Variants in ARMH4 observed in about 807,000 individuals in gnomAD.
ARMH4 encodes armadillo-like helical domain-containing protein 4.
ARMH4 carries 49 observed loss-of-function variants against 61.9 expected under a neutral mutation model. That is an observed-to-expected ratio of 0.79 (90% CI 0.63 to 1.00). The LOEUF (loss-of-function observed/expected upper bound fraction) is 1.00. Ranked by LOEUF, ARMH4 falls within the 50% of genes least tolerant of loss-of-function variation. ARMH4 has a pLI of 0.00. For synonymous variants in ARMH4, 368 were observed against 341.5 expected (o/e 1.08, Z -0.85); for missense variants, 934 against 930.0 (o/e 1.00, Z -0.06).
intron 5 of ARMH4, among the ~76,000 whole-genome samples, chr14:58,055,472 T>A: frequency 6.6e-6 from 1 of 152,206 alleles, no homozygotes; most frequent in East Asian, 1.9e-4. Flanking sequence ...CTTACAGTCT[T>A]AAAAAGATAA....
At chr14:58,058,637 T>C (rs1731351473) in intron 5 of ARMH4, among the ~76,000 whole-genome samples, 2 of 152,172 alleles carry the variant, frequency 1.3e-5, no homozygotes, top group African/African-American at 4.8e-5. Context: ...TGCTAATGCA[T>C]TATAATTACA....
At chr14:58,004,878 A>G (rs1882104219) in intron 7 of ARMH4, 74 bp from the exon 8 acceptor site, 1 of 1,543,064 alleles carries the variant, frequency 6.5e-7, no homozygotes, top group African/African-American at 1.4e-5. Flanking sequence ...CCCACTTTAA[A>G]AGACATGCTA....
chr14:58,020,075 T>A (rs1179874033), intron 5 of ARMH4, among the ~76,000 whole-genome samples: 1 of 152,188 alleles, frequency 6.6e-6, no homozygotes, highest in Admixed American at 6.5e-5. Flanking sequence ...CTCACAAAAA[T>A]TCTGCAAGGT....
intron 5 of ARMH4, among the ~76,000 whole-genome samples, chr14:58,054,977 C>T (rs572421636): frequency 6.6e-6 from 1 of 152,106 alleles, no homozygotes; most frequent in African/African-American, 2.4e-5. Flanking sequence ...CTCATGATTT[C>T]CCACCTGTCC....
rs985972680 is a variant in ARMH4 at position 58,062,178 on chromosome 14, G to C, written c.2089+34546C>G. Reference sequence around the variant, plus strand: ...CATAGTGGCACCCAGTCTCTAGAAAGATAAAAATAAAAATTAGCCAGATGT... The same window carrying C: ...CATAGTGGCACCCAGTCTCTAGAAACATAAAAATAAAAATTAGCCAGATGT... On this transcript the variant is annotated intron_variant, in intron 5 of 7. Coordinates refer to ENST00000267485, the MANE Select transcript of ARMH4 (RefSeq NM_001001872.4). 2.0e-5 allele frequency among the ~76,000 whole-genome samples: 3 copies of C among 152,110 alleles called. No individual in the cohort carries two copies. In the South Asian group the frequency reaches 6.2e-4, roughly 32 times the overall value.
chr14:58,103,134 GA>G (rs35500903), intron 4 of ARMH4, among the ~76,000 whole-genome samples: 68,218 of 141,522 alleles, frequency 0.48, 16,360 homozygotes, highest in Middle Eastern at 0.62. Context: ...ACTCCATCTC[GA>G]AAAAAAAAAA....
intron 4 of ARMH4, among the ~76,000 whole-genome samples, chr14:58,129,112 T>A (rs901124800): frequency 5.3e-5 from 8 of 152,334 alleles, no homozygotes; most frequent in Non-Finnish European, 1.2e-4. Context: ...TCTGTTGTTT[T>A]AAGCCACCCA....
intron 4 of ARMH4, among the ~76,000 whole-genome samples, chr14:58,113,269 C>A (rs1886413068): frequency 6.6e-6 from 1 of 152,120 alleles, no homozygotes. Context: ...CAAGATCAAC[C>A]CCTATATTGC....
chr14:58,062,490 T>C (rs1884564895), intron 5 of ARMH4, among the ~76,000 whole-genome samples: 1 of 151,798 alleles, frequency 6.6e-6, no homozygotes, highest in Non-Finnish European at 1.5e-5. Flanking sequence ...TAGACGGCAA[T>C]GGAATGGAGA....
chr14:58,091,111 C>T (rs1885549593), intron 5 of ARMH4, among the ~76,000 whole-genome samples: 1 of 151,582 alleles, frequency 6.6e-6, no homozygotes, highest in South Asian at 2.1e-4. Flanking sequence ...ACTGGGGAGG[C>T]TGAGGCGGGA....
intron 5 of ARMH4, among the ~76,000 whole-genome samples, chr14:58,079,251 C>G (rs1885144875): frequency 6.6e-6 from 1 of 152,174 alleles, no homozygotes; most frequent in Non-Finnish European, 1.5e-5. Flanking sequence ...AAAAAAGAAA[C>G]TTATTTCTCA....
intron 6 of ARMH4, 74 bp from the exon 7 acceptor site, chr14:58,005,256 T>C (rs1882122706): frequency 4.4e-6 from 7 of 1,588,164 alleles, no homozygotes; most frequent in Non-Finnish European, 5.2e-6. Flanking sequence ...TTCTGCTGGA[T>C]GGCAGCAGGT....
intron 5 of ARMH4, among the ~76,000 whole-genome samples, chr14:58,040,002 A>G (rs1003837971): frequency 2.6e-5 from 4 of 152,176 alleles, no homozygotes; most frequent in African/African-American, 9.7e-5. Context: ...AAAAAGTAAT[A>G]CTAGAACCAA....
At position 58,001,147 on chromosome 14, in the gene ARMH4, T is replaced by C. The variant is rs555906810; in HGVS notation, c.*3589A>G. ...CACTAGTTTATTTCACTTAGCATAATGTTCTCCATGTATATCCATATTGTC... is the reference window on the plus strand; with the variant it reads ...CACTAGTTTATTTCACTTAGCATAACGTTCTCCATGTATATCCATATTGTC... On this transcript the variant is annotated 3_prime_UTR_variant, in exon 8 of 8. Transcript: ENST00000267485. 1 of 152,336 alleles carries C rather than the reference T, an allele frequency of 6.6e-6. No homozygotes were observed. Among genetic ancestry groups the C allele is most frequent in the South Asian group, 2.1e-4 (1 of 4,816 alleles). 9.4% of individuals were successfully genotyped at this position (152,336 alleles called of 1,614,324 possible). A position where few individuals can be genotyped will look rare whatever the true frequency, so the allele number is the denominator to read the frequency against.
intron 4 of ARMH4, among the ~76,000 whole-genome samples, chr14:58,113,476 G>C (rs1241963700): frequency 6.6e-6 from 1 of 151,982 alleles, no homozygotes; most frequent in African/African-American, 2.4e-5. Flanking sequence ...ATTTTTGATG[G>C]TTTATTTATC....
intron 5 of ARMH4, among the ~76,000 whole-genome samples, chr14:58,016,564 A>G (rs1882622973): frequency 6.6e-6 from 1 of 152,166 alleles, no homozygotes; most frequent in Non-Finnish European, 1.5e-5. Flanking sequence ...TAAATTAAGG[A>G]AAAAAACACA....
intron 5 of ARMH4, among the ~76,000 whole-genome samples, chr14:58,040,146 T>C (rs535314022): frequency 7.9e-5 from 12 of 152,280 alleles, no homozygotes; most frequent in East Asian, 5.8e-4. Context: ...ATTGGGTTCT[T>C]AGCACCCTAA....
intron 1 of ARMH4, among the ~76,000 whole-genome samples, chr14:58,140,676 G>A (rs1024173990): frequency 6.7e-5 from 10 of 149,252 alleles, no homozygotes; most frequent in East Asian, 4.0e-4. Flanking sequence ...CAAGGCGGGC[G>A]GATCACCTGA....
At chr14:58,118,235 A>G (rs1475316154) in intron 4 of ARMH4, among the ~76,000 whole-genome samples, 1 of 152,138 alleles carries the variant, frequency 6.6e-6, no homozygotes, top group Non-Finnish European at 1.5e-5. Context: ...TTTTTATCAT[A>G]TGGGTGTATT....
Sources: allele counts gnomAD v4.1 joint callset (sites outside exome capture counted in the v4.1 genomes callset), GRCh38; gene constraint gnomAD v4.1.1; transcripts MANE v1.5; gene names NCBI Gene and HGNC (gene_info 2026-07-23, HGNC 2026-07-21).